The following VPS26A variants were observed in gnomAD, a reference collection of about 807,000 sequenced individuals.
The protein encoded by VPS26A is vacuolar protein sorting-associated protein 26A.
A neutral mutation model predicts 42.4 loss-of-function variants in VPS26A; 22 were observed. That is an observed-to-expected ratio of 0.52 (90% CI 0.37 to 0.74). The LOEUF (loss-of-function observed/expected upper bound fraction) is 0.74, where lower values mean the gene tolerates loss of function less well. VPS26A is among the 30% of genes least tolerant of loss of function. The pLI, the probability that VPS26A is intolerant of heterozygous loss-of-function variation, is 0.00. For missense variants in VPS26A, 276 were observed against 379.2 expected (o/e 0.73, Z 2.26); for synonymous variants, 110 against 123.5 (o/e 0.89, Z 0.73).
intron 6 of VPS26A, 95 bp downstream of exon 6, chr10:69,162,607 T>G: frequency 1.4e-6 from 1 of 736,568 alleles, no homozygotes; most frequent in Non-Finnish European, 2.1e-6. Flanking sequence ...GATATCCACA[T>G]TGAGTACTAA....
At position 69,136,434 on chromosome 10, in the gene VPS26A, T is replaced by C. The variant is rs577233868; in HGVS notation, c.153+3387T>C. On this transcript the variant is annotated intron_variant, in intron 2 of 8. Transcript: ENST00000263559. ...CACGCGCCACGACATCCGGCTAATT[T>C]TCGTATTTTTATTTTTAACAGAGAC... Among the ~76,000 whole-genome samples, 29 of 151,750 alleles carry C rather than the reference T, an allele frequency of 1.9e-4. No homozygotes were observed. The South Asian group carries it at 4.4e-3, about 23-fold the overall frequency.
Position 69,157,056 on chromosome 10 carries a change from A to G in VPS26A, c.279A>G (p.Lys93=). 6.2e-7 allele frequency: 1 copy of G among 1,612,840 alleles called. No homozygotes were observed. The highest frequency in any genetic ancestry group is 8.5e-7 in the Non-Finnish European group (1 of 1,179,420). Residue 93 remains lysine (K), a synonymous_variant, in exon 4 of 9, where the codon AAA becomes AAG. Transcript: ENST00000263559. ...SNTHEFVNLV[K]ELALPGELTQ... ...CTCATGAATTTGTAAACCTAGTGAA[A>G]GAACTAGCCTTACCTGGAGAACTGA...
chr10:69,170,078 C>G (rs896728669), intron 8 of VPS26A: 4 of 152,136 alleles, frequency 2.6e-5, no homozygotes, highest in Admixed American at 6.5e-5. Context: ...GTGTTCAAAG[C>G]TAAGTTAGAA....
At position 69,124,249 on chromosome 10, in the gene VPS26A, G is replaced by A. The variant is rs996102535; in HGVS notation, c.-29G>A. 3.1e-6 allele frequency: 4 copies of A among 1,285,866 alleles called. No individual in the cohort carries two copies. The highest frequency in any genetic ancestry group is 4.0e-6 in the Non-Finnish European group (4 of 1,011,326). The allele number at this position is 1,285,866 out of a possible 1,614,324, so 79.7% of individuals were successfully genotyped here. A position where few individuals can be genotyped will look rare whatever the true frequency, so the allele number is the denominator to read the frequency against. On this transcript the variant is annotated 5_prime_UTR_variant, in exon 1 of 9. Coordinates refer to ENST00000263559, the MANE Select transcript of VPS26A (RefSeq NM_004896.5). Reference sequence around the variant, plus strand: ...GTTCTCCTGAGGGAAGAGGAGTGGAGTAGGGGGGACGCGGCGGCGGCGTTG... The same window carrying A: ...GTTCTCCTGAGGGAAGAGGAGTGGAATAGGGGGGACGCGGCGGCGGCGTTG...
At chr10:69,137,214 C>A (rs1840932817) in intron 2 of VPS26A, among the ~76,000 whole-genome samples, 1 of 152,132 alleles carries the variant, frequency 6.6e-6, no homozygotes, top group Non-Finnish European at 1.5e-5. Flanking sequence ...ATAAATATTG[C>A]CCTATTGAAG....
At chr10:69,165,683 G>A (rs1841669926) in intron 6 of VPS26A, among the ~76,000 whole-genome samples, 2 of 152,008 alleles carry the variant, frequency 1.3e-5, no homozygotes, top group African/African-American at 4.8e-5. Flanking sequence ...GATAGTGCAC[G>A]CCTGTAGTCC....
chr10:69,150,294 G>A (rs780717288), intron 2 of VPS26A, among the ~76,000 whole-genome samples: 6 of 151,988 alleles, frequency 3.9e-5, no homozygotes, highest in East Asian at 1.9e-4. Flanking sequence ...GACCTGAAGC[G>A]GTCCGCTCAC....
chr10:69,132,254 C>T lies in VPS26A; in HGVS notation c.4-644C>T, dbSNP rs1377822620. 2.6e-5 allele frequency among the ~76,000 whole-genome samples: 4 copies of T among 151,966 alleles called. No homozygotes were observed. In the South Asian group the frequency reaches 6.2e-4, roughly 24 times the overall value. Reference sequence around the variant, plus strand: ...AAGCCTAGCTGTTAAGAATTAACTTCTTAGATTTCTGACATATGTTAATAT... The same window carrying T: ...AAGCCTAGCTGTTAAGAATTAACTTTTTAGATTTCTGACATATGTTAATAT... On this transcript the variant is annotated intron_variant, in intron 1 of 8. Coordinates refer to ENST00000263559, the MANE Select transcript of VPS26A (RefSeq NM_004896.5).
intron 2 of VPS26A, among the ~76,000 whole-genome samples, chr10:69,153,135 C>T (rs1237808785): frequency 2.7e-5 from 4 of 149,944 alleles, no homozygotes; most frequent in Non-Finnish European, 5.9e-5. Flanking sequence ...CTGCAACCTC[C>T]GCCCCCCGGG....
Position 69,161,689 on chromosome 10 carries a change from C to T in VPS26A, c.552-717C>T, listed in dbSNP as rs993881037. 10 of 372,918 alleles carry T rather than the reference C, an allele frequency of 2.7e-5. 1 individual carries two copies. The highest frequency in any genetic ancestry group is 4.7e-5 in the South Asian group (2 of 42,850). 23.1% of individuals were successfully genotyped at this position (372,918 alleles called of 1,614,324 possible). Reference sequence around the variant, plus strand: ...TCCCCAGTTTCTTCTTGTCATCAACCGGGGTTCAGCACAAAGGGCCTCCAC... The same window carrying T: ...TCCCCAGTTTCTTCTTGTCATCAACTGGGGTTCAGCACAAAGGGCCTCCAC... On this transcript the variant is annotated intron_variant, in intron 5 of 8. Coordinates refer to ENST00000263559, the MANE Select transcript of VPS26A (RefSeq NM_004896.5).
At chr10:69,137,774 A>G (rs748911822) in intron 2 of VPS26A, among the ~76,000 whole-genome samples, 3 of 151,982 alleles carry the variant, frequency 2.0e-5, no homozygotes, top group Admixed American at 6.6e-5. Flanking sequence ...ATTGAGGGCT[A>G]TCTTAGAATT....
At position 69,163,106 on chromosome 10, in the gene VPS26A, C is replaced by T. The variant is rs1426582091; in HGVS notation, c.658+594C>T. Among the ~76,000 whole-genome samples the T allele has an allele frequency of 2.0e-5, 3 of 152,248 alleles. No homozygotes were observed. In the East Asian group the frequency reaches 5.8e-4, roughly 29 times the overall value. ...ACTTTCCATAACAATGTGTAGAATACTTTATCTTTTTAATAGTTTTCCATT... is the reference window on the plus strand; with the variant it reads ...ACTTTCCATAACAATGTGTAGAATATTTTATCTTTTTAATAGTTTTCCATT... On this transcript the variant is annotated intron_variant, in intron 6 of 8. Coordinates refer to ENST00000263559, the MANE Select transcript of VPS26A (RefSeq NM_004896.5).
intron 7 of VPS26A, among the ~76,000 whole-genome samples, chr10:69,166,574 G>A (rs1311498161): frequency 6.6e-6 from 1 of 152,040 alleles, no homozygotes; most frequent in Non-Finnish European, 1.5e-5. Context: ...TAAAATTTAT[G>A]TCTGGGTTTT....
chr10:69,166,810 T>A (rs1010604971), intron 7 of VPS26A, among the ~76,000 whole-genome samples: 1 of 152,156 alleles, frequency 6.6e-6, no homozygotes, highest in African/African-American at 2.4e-5. Flanking sequence ...AGCAAATTGG[T>A]GTGCATGAGA....
At chr10:69,164,608 T>C (rs1841643953) in intron 6 of VPS26A, among the ~76,000 whole-genome samples, 1 of 152,228 alleles carries the variant, frequency 6.6e-6, no homozygotes, top group African/African-American at 2.4e-5. Context: ...GATGTTTATG[T>C]AGTCAGATTT....
At chr10:69,166,200 TTTGAATTC>T (rs1564688034) in intron 7 of VPS26A, 90 bp downstream of exon 7, 15 of 1,203,006 alleles carry the variant, frequency 1.2e-5, no homozygotes, top group Non-Finnish European at 1.8e-5. Flanking sequence ...TGAAAGTATC[TTTGAATTC>T]TTAAACCATT....
intron 2 of VPS26A, among the ~76,000 whole-genome samples, chr10:69,151,272 A>AAAAACAAAACAAAAC (rs1554854491): frequency 2.5e-5 from 2 of 81,556 alleles, no homozygotes; most frequent in African/African-American, 6.7e-5. Flanking sequence ...GTCAAAAAAA[A>AAAAACAAAACAAAAC]AAAAAAAAAA....
At chr10:69,170,240 A>C (rs1301841723) in intron 8 of VPS26A, 1 of 152,252 alleles carries the variant, frequency 6.6e-6, no homozygotes, top group East Asian at 1.9e-4. Flanking sequence ...GTAATTTAGA[A>C]GAGACAAAAC....
chr10:69,154,121 T>C (rs1757744649), intron 2 of VPS26A, among the ~76,000 whole-genome samples: 1 of 152,192 alleles, frequency 6.6e-6, no homozygotes, highest in African/African-American at 2.4e-5. Flanking sequence ...GTTGTATCCT[T>C]GACTGTCTCA....
Sources: gnomAD v4.1 joint callset for allele counts (sites outside exome capture counted in the v4.1 genomes callset) on GRCh38, gnomAD v4.1.1 for gene constraint, MANE v1.5 for transcripts, NCBI Gene and HGNC (gene_info 2026-07-23, HGNC 2026-07-21) for gene names.